The following PXDNL variants were observed in gnomAD, a reference collection of about 807,000 sequenced individuals.
PXDNL encodes the protein peroxidasin like, also known as probable oxidoreductase PXDNL.
A neutral mutation model predicts 150.8 loss-of-function variants in PXDNL; 145 were observed. The observed-to-expected ratio is 0.96, with a 90% CI of 0.84 to 1.10. The LOEUF is 1.10. PXDNL is among the 50% of genes least tolerant of loss of function. The pLI is 0.00. For synonymous variants in PXDNL, 757 were observed against 725.7 expected, an observed-to-expected ratio of 1.04 and a Z score of -0.69; for missense variants, 2,087 against 1,873.9, an observed-to-expected ratio of 1.11 and a Z score of -2.10.
chr8:51,754,439 T>C (rs112145514), intron 1 of PXDNL, among the ~76,000 whole-genome samples: 1 of 151,932 alleles, frequency 6.6e-6, no homozygotes, highest in Non-Finnish European at 1.5e-5. Context: ...CCATGGCTTC[T>C]GGCTGAAGGT....
chr8:51,535,956 TTCTGTGA>T (rs1812066256), intron 4 of PXDNL, among the ~76,000 whole-genome samples: 2 of 152,196 alleles, frequency 1.3e-5, no homozygotes, highest in Admixed American at 1.3e-4. Context: ...CGTTTCCAGC[TTCTGTGA>T]TCTGTGTAAA....
chr8:51,387,276 T>C (rs78287618), intron 17 of PXDNL, among the ~76,000 whole-genome samples: 3,702 of 152,332 alleles, frequency 0.024, 83 homozygotes, highest in South Asian at 0.082. Flanking sequence ...TAAGTCCCAA[T>C]AGGGCCTGCT....
At chr8:51,443,314 T>C (rs558821386) in intron 12 of PXDNL, among the ~76,000 whole-genome samples, 3 of 152,188 alleles carry the variant, frequency 2.0e-5, no homozygotes, top group Admixed American at 6.5e-5. Flanking sequence ...ATGAGGGATA[T>C]GAAGACAGAT....
intron 3 of PXDNL, among the ~76,000 whole-genome samples, chr8:51,558,591 A>C (rs1208009952): frequency 2.6e-5 from 4 of 152,096 alleles, no homozygotes; most frequent in Admixed American, 2.0e-4. Flanking sequence ...AAATCATAAA[A>C]TATTCATGAA....
At chr8:51,335,413 G>T (rs1805804475) in intron 21 of PXDNL, among the ~76,000 whole-genome samples, 1 of 152,062 alleles carries the variant, frequency 6.6e-6, no homozygotes, top group South Asian at 2.1e-4. Flanking sequence ...ATAAAGGAGG[G>T]CTGGGCTTGG....
intron 1 of PXDNL, among the ~76,000 whole-genome samples, chr8:51,718,324 C>T (rs1816658574): frequency 6.6e-6 from 1 of 152,078 alleles, no homozygotes; most frequent in Admixed American, 6.5e-5. Context: ...TAGCACTGGA[C>T]CCAGCAGGGA....
At chr8:51,483,827 A>C in intron 5 of PXDNL, 113 bp from the exon 6 acceptor site, 3 of 651,598 alleles carry the variant, frequency 4.6e-6, no homozygotes, top group Non-Finnish European at 5.3e-6. Context: ...TATTTCAGTG[A>C]GAAAGGGCAA....
intron 1 of PXDNL, among the ~76,000 whole-genome samples, chr8:51,774,237 C>T (rs534893441): frequency 3.9e-5 from 6 of 152,168 alleles, no homozygotes; most frequent in South Asian, 4.2e-4. Flanking sequence ...CTGTTTGAGG[C>T]GAATATCAAA....
intron 19 of PXDNL, among the ~76,000 whole-genome samples, chr8:51,367,145 G>T (rs991582228): frequency 7.2e-6 from 1 of 139,624 alleles, no homozygotes; most frequent in Non-Finnish European, 1.5e-5. Flanking sequence ...ATAAAAGGAA[G>T]CAAGCATGTT....
intron 17 of PXDNL, among the ~76,000 whole-genome samples, chr8:51,381,329 T>C (rs939529219): frequency 1.3e-5 from 2 of 152,312 alleles, no homozygotes; most frequent in East Asian, 1.9e-4. Flanking sequence ...TTTGTTTCTC[T>C]TTATTGTTCT....
At position 51,735,530 on chromosome 8, in the gene PXDNL, T is replaced by TG. The variant is rs1243057039; in HGVS notation, c.164+73650_164+73651insC. Among the ~76,000 whole-genome samples the TG allele has an allele frequency of 5.7e-4, 38 of 66,126 alleles. No homozygotes were observed. In the African/African-American group the frequency reaches 6.3e-3, roughly 11 times the overall value. The allele number at this position is 66,126 out of a possible 152,430, so 43.4% of individuals were successfully genotyped here. On this transcript the variant is annotated intron_variant, in intron 1 of 22. Transcript: ENST00000356297. ...TTAATTAATTAATTAAAAATTGTTT[T>TG]TTTTTTTTTTTTTTTTTTTTTTTTT...
intron 3 of PXDNL, among the ~76,000 whole-genome samples, chr8:51,579,912 G>A (rs920247396): frequency 2.6e-5 from 4 of 151,762 alleles, no homozygotes; most frequent in Admixed American, 1.3e-4. Context: ...TCCAGTTGAC[G>A]AGTTAATGGG....
intron 1 of PXDNL, among the ~76,000 whole-genome samples, chr8:51,787,018 C>T (rs370277655): frequency 6.8e-6 from 1 of 147,242 alleles, no homozygotes; most frequent in African/African-American, 2.5e-5. Context: ...AGAAATGGAA[C>T]AACAAAGCCT....
intron 2 of PXDNL, among the ~76,000 whole-genome samples, chr8:51,634,166 T>A (rs1814552428): frequency 6.6e-6 from 1 of 152,112 alleles, no homozygotes; most frequent in Non-Finnish European, 1.5e-5. Context: ...CAGTGAAATG[T>A]AGGGATCCAG....
At chr8:51,443,354 G>A (rs989330374) in intron 12 of PXDNL, among the ~76,000 whole-genome samples, 15 of 152,148 alleles carry the variant, frequency 9.9e-5, no homozygotes, top group African/African-American at 3.1e-4. Context: ...TTTTCATTAT[G>A]TTTTCATAAT....
At chr8:51,681,021 G>A (rs1012101393) in intron 1 of PXDNL, among the ~76,000 whole-genome samples, 1 of 151,970 alleles carries the variant, frequency 6.6e-6, no homozygotes. Flanking sequence ...GTGGTTTTTC[G>A]TGCAGAAGAG....
At chr8:51,806,179 T>G (rs1369791279) in intron 1 of PXDNL, among the ~76,000 whole-genome samples, 1 of 152,134 alleles carries the variant, frequency 6.6e-6, no homozygotes, top group African/African-American at 2.4e-5. Flanking sequence ...AATAATACAG[T>G]TTTCTTATCT....
chr8:51,494,131 T>A (rs1328771285), intron 5 of PXDNL, among the ~76,000 whole-genome samples: 2 of 152,186 alleles, frequency 1.3e-5, no homozygotes, highest in African/African-American at 2.4e-5. Flanking sequence ...ATATTCAACA[T>A]TCTTAAAGAA....
intron 21 of PXDNL, among the ~76,000 whole-genome samples, chr8:51,334,083 C>T (rs892656349): frequency 2.9e-5 from 3 of 102,302 alleles, no homozygotes; most frequent in African/African-American, 1.1e-4. Context: ...AAATGAGCCT[C>T]AATGAATTTA....
Sources: gnomAD v4.1 joint callset for allele counts (sites outside exome capture counted in the v4.1 genomes callset) on GRCh38, gnomAD v4.1.1 for gene constraint, MANE v1.5 for transcripts, NCBI Gene and HGNC (gene_info 2026-07-23, HGNC 2026-07-21) for gene names.